Variants in UROS observed in about 807,000 individuals in gnomAD.
UROS encodes the protein uroporphyrinogen III synthase, also known as uroporphyrinogen-III synthase.
In UROS, 18 loss-of-function variants were observed where a neutral mutation model predicts 33.0. The ratio of observed to expected loss-of-function variants is 0.55; its 90% CI spans 0.38 to 0.81. The LOEUF (loss-of-function observed/expected upper bound fraction) is 0.81. Among genes scored for constraint, UROS ranks in the 30% least tolerant of loss-of-function variants. The pLI is 0.00. For synonymous variants in UROS, 114 were observed against 121.1 expected (o/e 0.94, Z 0.38); for missense variants, 293 against 314.9 (o/e 0.93, Z 0.53).
intron 6 of UROS, among the ~76,000 whole-genome samples, chr10:125,804,210 A>G (rs758703073): frequency 3.3e-5 from 5 of 152,194 alleles, no homozygotes; most frequent in Non-Finnish European, 5.9e-5. Flanking sequence ...TTGGAGATGG[A>G]GCTAGTCACC....
At chr10:125,796,230 C>A in intron 7 of UROS, 42 bp from the exon 8 acceptor site, 6 of 1,581,828 alleles carry the variant, frequency 3.8e-6, no homozygotes, top group Non-Finnish European at 5.2e-6. Flanking sequence ...CCGCACTGGG[C>A]ACACAATGGG....
intron 9 of UROS, among the ~76,000 whole-genome samples, chr10:125,790,556 C>T (rs916596998): frequency 6.6e-6 from 1 of 151,678 alleles, no homozygotes; most frequent in African/African-American, 2.4e-5. Context: ...TGCCTGTAAT[C>T]CCAGTACTTT....
At chr10:125,816,814 T>C (rs1853371281) in intron 1 of UROS, among the ~76,000 whole-genome samples, 1 of 152,250 alleles carries the variant, frequency 6.6e-6, no homozygotes, top group Non-Finnish European at 1.5e-5. Flanking sequence ...GAAAGAGAAC[T>C]GATGTAAATT....
chr10:125,792,192 T>A (rs1408692621), intron 9 of UROS: 1 of 152,212 alleles, frequency 6.6e-6, no homozygotes, highest in Non-Finnish European at 1.5e-5. Flanking sequence ...TCCCTGGGAC[T>A]GGGAACCAGC....
At chr10:125,818,492 AAATAAT>A (rs36118712) in intron 1 of UROS, among the ~76,000 whole-genome samples, 19 of 147,644 alleles carry the variant, frequency 1.3e-4, no homozygotes, top group South Asian at 2.2e-4. Context: ...GATCTTGTCT[AAATAAT>A]AATAATAATA....
intron 5 of UROS, 116 bp from the exon 6 acceptor site, chr10:125,807,603 T>C: frequency 1.3e-6 from 1 of 799,086 alleles, no homozygotes; most frequent in Non-Finnish European, 2.1e-6. Context: ...ACATAGAGGA[T>C]GTCTTTTCTT....
chr10:125,797,590 G>GC, intron 7 of UROS, among the ~76,000 whole-genome samples: 1 of 152,216 alleles, frequency 6.6e-6, no homozygotes, highest in Non-Finnish European at 1.5e-5. Flanking sequence ...TGCTTCAGAG[G>GC]CAAGAACTGG....
intron 3 of UROS, among the ~76,000 whole-genome samples, chr10:125,815,671 T>C (rs886247574): frequency 1.3e-5 from 2 of 152,214 alleles, no homozygotes; most frequent in Non-Finnish European, 2.9e-5. Context: ...AAGGCTTTAC[T>C]GGACTTGTCT....
intron 1 of UROS, among the ~76,000 whole-genome samples, chr10:125,822,289 T>C (rs995056436): frequency 6.6e-6 from 1 of 150,694 alleles, no homozygotes; most frequent in Non-Finnish European, 1.5e-5. Context: ...CTCGGGTCTT[T>C]AACCTAGACT....
chr10:125,794,372 C>A, intron 9 of UROS: 7 of 1,003,626 alleles, frequency 7.0e-6, no homozygotes, highest in African/African-American at 3.5e-5. Flanking sequence ...CCCTCTGGAG[C>A]CAGTTCAAGG....
chr10:125,803,305 A>G (rs921640410), intron 6 of UROS, among the ~76,000 whole-genome samples: 2 of 152,194 alleles, frequency 1.3e-5, no homozygotes, highest in South Asian at 2.1e-4. Context: ...TGTCAGACTC[A>G]TAACGGGCCC....
intron 7 of UROS, 109 bp downstream of exon 7, chr10:125,797,956 G>A (rs1418350868): frequency 1.1e-5 from 14 of 1,326,516 alleles, no homozygotes; most frequent in Non-Finnish European, 1.5e-5. Flanking sequence ...ATCCAACCCA[G>A]CCCTGCTCTC....
At chr10:125,817,192 A>G (rs1590011472) in intron 1 of UROS, among the ~76,000 whole-genome samples, 5 of 150,582 alleles carry the variant, frequency 3.3e-5, no homozygotes, top group Admixed American at 3.3e-4. Flanking sequence ...TCTTATCTTA[A>G]TAGCAACGGG....
At chr10:125,812,438 A>G (rs1852899685) in intron 4 of UROS, 150 bp from the exon 5 acceptor site, 1 of 723,576 alleles carries the variant, frequency 1.4e-6, no homozygotes, top group Non-Finnish European at 2.3e-6. Flanking sequence ...CTAAAATTCC[A>G]TTTTCACTTT....
At chr10:125,787,462 G>A (rs1850666394), downstream of UROS, among the ~76,000 whole-genome samples, 1 of 152,070 alleles carries the variant, frequency 6.6e-6, no homozygotes, top group Non-Finnish European at 1.5e-5. Flanking sequence ...CTGCAATCCA[G>A]CAGTTTCCAA....
At chr10:125,815,507 CA>C (rs1288414599) in intron 3 of UROS, among the ~76,000 whole-genome samples, 4 of 152,258 alleles carry the variant, frequency 2.6e-5, no homozygotes, top group African/African-American at 9.6e-5. Flanking sequence ...TGGGAATATT[CA>C]GGGGGTGATA....
At chr10:125,791,955 T>G (rs1271951240) in intron 9 of UROS, 1 of 152,054 alleles carries the variant, frequency 6.6e-6, no homozygotes, top group Admixed American at 6.6e-5. Flanking sequence ...CATATTGGGC[T>G]GGGCGTGGTG....
intron 1 of UROS, among the ~76,000 whole-genome samples, chr10:125,818,495 T>A (rs1031032915): frequency 8.0e-5 from 12 of 149,776 alleles, no homozygotes; most frequent in African/African-American, 2.9e-4. Flanking sequence ...CTTGTCTAAA[T>A]AATAATAATA....
intron 6 of UROS, among the ~76,000 whole-genome samples, chr10:125,805,429 G>A (rs1852236493): frequency 6.6e-6 from 1 of 152,232 alleles, no homozygotes; most frequent in East Asian, 1.9e-4. Flanking sequence ...GCTGTGCTGA[G>A]TGTGAATTCC....
Sources: allele counts gnomAD v4.1 joint callset (sites outside exome capture counted in the v4.1 genomes callset), GRCh38; gene constraint gnomAD v4.1.1; transcripts MANE v1.5; gene names NCBI Gene and HGNC (gene_info 2026-07-23, HGNC 2026-07-21).